CNTN5: variants seen among roughly 807,000 people sequenced by gnomAD.
CNTN5 encodes the protein contactin-5.
In CNTN5, 77 loss-of-function variants were observed where a neutral mutation model predicts 129.1. The ratio of observed to expected loss-of-function variants is 0.60; its 90% confidence interval spans 0.50 to 0.72. The LOEUF (loss-of-function observed/expected upper bound fraction) is 0.72. Among genes scored for constraint, CNTN5 ranks in the 30% least tolerant of loss-of-function variants. CNTN5 has a pLI of 0.00. For synonymous variants in CNTN5, 509 were observed against 465.6 expected (o/e 1.09, Z -1.20); for missense variants, 1,478 against 1,328.8 (o/e 1.11, Z -1.75).
chr11:99,862,942 A>T (rs929745076), intron 6 of CNTN5, among the ~76,000 whole-genome samples: 2 of 152,082 alleles, frequency 1.3e-5, no homozygotes, highest in African/African-American at 4.8e-5. Context: ...GTGTATATAT[A>T]TGTGTGTGTT....
chr11:100,247,237 A>G (rs1949859569), intron 16 of CNTN5, among the ~76,000 whole-genome samples: 1 of 152,202 alleles, frequency 6.6e-6, no homozygotes, highest in South Asian at 2.1e-4. Flanking sequence ...TGTAGGTGAT[A>G]GATTAGATAC....
At chr11:99,031,807 G>T (rs1459395710) in intron 1 of CNTN5, among the ~76,000 whole-genome samples, 1 of 150,306 alleles carries the variant, frequency 6.7e-6, no homozygotes, top group East Asian at 2.0e-4. Flanking sequence ...GGGTACATGT[G>T]CACAATGTGC....
intron 6 of CNTN5, among the ~76,000 whole-genome samples, chr11:99,912,196 AAG>A (rs1293647837): frequency 6.6e-6 from 1 of 151,944 alleles, no homozygotes. Context: ...GGGAAGAAAA[AAG>A]GAAGGAAATA....
chr11:99,664,441 C>T (rs1952711412), intron 3 of CNTN5, among the ~76,000 whole-genome samples: 1 of 152,044 alleles, frequency 6.6e-6, no homozygotes, highest in Admixed American at 6.6e-5. Context: ...AAAGGCCGTG[C>T]TTTAGGGGCA....
chr11:99,537,891 G>A (rs577645475), intron 2 of CNTN5, among the ~76,000 whole-genome samples: 1 of 152,242 alleles, frequency 6.6e-6, no homozygotes, highest in East Asian at 1.9e-4. Flanking sequence ...ATCATTAATG[G>A]CCTAGAAGAC....
At position 99,920,182 on chromosome 11, in the gene CNTN5, A is replaced by G. The variant is rs142999211; in HGVS notation, c.673+4033A>G. ...TCTCATGTGGGTTATTTCTTTCTCCATAAAACACTATTTTCACTTAGCTTA... is the reference window on the plus strand; with the variant it reads ...TCTCATGTGGGTTATTTCTTTCTCCGTAAAACACTATTTTCACTTAGCTTA... On this transcript the variant is annotated intron_variant, in intron 7 of 24. Coordinates refer to ENST00000524871, the MANE Select transcript of CNTN5 (RefSeq NM_014361.4). Among the ~76,000 whole-genome samples the G allele has an allele frequency of 7.8e-3, 1,189 of 152,216 alleles. 28 individuals are homozygous for G. Among genetic ancestry groups the G allele is most frequent in the African/African-American group, 0.027 (1,109 of 41,518 alleles).
chr11:99,287,762 C>CA (rs989122770), intron 1 of CNTN5, among the ~76,000 whole-genome samples: 3 of 150,356 alleles, frequency 2.0e-5, no homozygotes, highest in Admixed American at 1.3e-4. Context: ...AATACTTTTT[C>CA]AAAAAAAAGT....
chr11:99,061,988 T>G (rs1178148959), intron 1 of CNTN5, among the ~76,000 whole-genome samples: 5 of 115,672 alleles, frequency 4.3e-5, no homozygotes, highest in African/African-American at 1.5e-4. Context: ...TAAGATCCTG[T>G]CTCAAAAAAA....
chr11:99,408,448 GAGAAAGAAAGAAAGAAAGAAAGAA>G (rs1555137775), intron 2 of CNTN5, among the ~76,000 whole-genome samples: 10 of 78,132 alleles, frequency 1.3e-4, no homozygotes, highest in South Asian at 1.1e-3. Context: ...AAGAAAGAAA[GAGAAAGAAAGAAAGAAAGAAAGAA>G]AGAAAGAAAG....
chr11:100,315,025 G>A (rs1422872175), intron 21 of CNTN5, among the ~76,000 whole-genome samples: 1 of 152,128 alleles, frequency 6.6e-6, no homozygotes, highest in East Asian at 1.9e-4. Flanking sequence ...GTCTAGCAAG[G>A]GAGACTATTT....
chr11:99,138,445 G>A (rs900961515), intron 1 of CNTN5, among the ~76,000 whole-genome samples: 4 of 152,016 alleles, frequency 2.6e-5, no homozygotes, highest in African/African-American at 4.8e-5. Context: ...AAACCCAGGT[G>A]CATTTTTTAC....
intron 3 of CNTN5, among the ~76,000 whole-genome samples, chr11:99,808,305 T>C (rs1946332303): frequency 6.6e-6 from 1 of 152,090 alleles, no homozygotes; most frequent in Admixed American, 6.6e-5. Flanking sequence ...TTGATGTCTT[T>C]GTTTCAATTT....
At chr11:99,516,548 T>G (rs1199933939) in intron 2 of CNTN5, among the ~76,000 whole-genome samples, 1 of 152,058 alleles carries the variant, frequency 6.6e-6, no homozygotes, top group Non-Finnish European at 1.5e-5. Context: ...CACACATACA[T>G]GCTTACGCAC....
At chr11:99,220,662 G>C (rs531174176) in intron 1 of CNTN5, among the ~76,000 whole-genome samples, 1 of 151,900 alleles carries the variant, frequency 6.6e-6, no homozygotes, top group Non-Finnish European at 1.5e-5. Context: ...GCACACTTAA[G>C]TTCAAAAGGA....
At chr11:99,696,517 T>G (rs1954276650) in intron 3 of CNTN5, among the ~76,000 whole-genome samples, 1 of 152,000 alleles carries the variant, frequency 6.6e-6, no homozygotes, top group African/African-American at 2.4e-5. Flanking sequence ...TATCTGGGTG[T>G]TTGATTTTAG....
At chr11:99,461,984 A>T (rs1048534722) in intron 2 of CNTN5, among the ~76,000 whole-genome samples, 2 of 152,202 alleles carry the variant, frequency 1.3e-5, no homozygotes, top group Non-Finnish European at 2.9e-5. Context: ...ATGCTATTCA[A>T]TACAATAACC....
chr11:100,240,506 A>AC (rs1591427832), intron 16 of CNTN5, among the ~76,000 whole-genome samples: 2 of 152,206 alleles, frequency 1.3e-5, no homozygotes, highest in East Asian at 3.9e-4. Flanking sequence ...TATATCAGTC[A>AC]TTGCCTAAGT....
intron 3 of CNTN5, among the ~76,000 whole-genome samples, chr11:99,712,235 A>G (rs1009501827): frequency 6.6e-6 from 1 of 152,126 alleles, no homozygotes; most frequent in Admixed American, 6.6e-5. Flanking sequence ...ACCAGTGATG[A>G]TGAGCATTCT....
intron 18 of CNTN5, among the ~76,000 whole-genome samples, chr11:100,284,141 G>A (rs1950710589): frequency 6.6e-6 from 1 of 152,112 alleles, no homozygotes; most frequent in Non-Finnish European, 1.5e-5. Flanking sequence ...GGGAATGGAG[G>A]AGCGGTGGTC....
Sources: gnomAD v4.1 joint callset for allele counts (sites outside exome capture counted in the v4.1 genomes callset) on GRCh38, gnomAD v4.1.1 for gene constraint, MANE v1.5 for transcripts, NCBI Gene and HGNC (gene_info 2026-07-23, HGNC 2026-07-21) for gene names.